The following CD83 variants were observed in gnomAD, a reference collection of about 807,000 sequenced individuals.
The protein encoded by CD83 is CD83 antigen.
In CD83, 22 loss-of-function variants were observed where a neutral mutation model predicts 24.6. The ratio of observed to expected loss-of-function variants is 0.90; its 90% CI spans 0.64 to 1.28. The LOEUF (loss-of-function observed/expected upper bound fraction) is 1.28. Ranked by LOEUF, CD83 falls within the 50% of genes most tolerant of loss-of-function variation. The probability of loss-of-function intolerance (pLI) is 0.00; values close to 1 mark genes in which losing one functional copy is unlikely to be tolerated. For synonymous variants in CD83, 101 were observed against 103.5 expected, an observed-to-expected ratio of 0.98 and a Z score of 0.14; for missense variants, 253 against 252.8, an observed-to-expected ratio of 1.00 and a Z score of -0.01.
intron 3 of CD83, among the ~76,000 whole-genome samples, chr6:14,132,640 T>C (rs1054174741): frequency 6.6e-6 from 1 of 152,232 alleles, no homozygotes; most frequent in East Asian, 1.9e-4. Context: ...GTTAAAATGC[T>C]GAGTGTAGTG....
intron 2 of CD83, among the ~76,000 whole-genome samples, chr6:14,119,385 A>T (rs909333831): frequency 3.9e-5 from 6 of 152,260 alleles, no homozygotes; most frequent in African/African-American, 7.2e-5. Flanking sequence ...TAGTATTTTT[A>T]AAAATATTGT....
At chr6:14,134,489 C>T (rs994154108) in intron 4 of CD83, among the ~76,000 whole-genome samples, 1 of 152,184 alleles carries the variant, frequency 6.6e-6, no homozygotes, top group Non-Finnish European at 1.5e-5. Context: ...TCTCCATCCA[C>T]CAGGCAGGGC....
At chr6:14,117,696 G>A (rs1759562940), upstream of CD83, 3 of 719,020 alleles carry the variant, frequency 4.2e-6, no homozygotes, top group South Asian at 2.6e-5. The surrounding 1 kb of genome is among the most constrained non-coding windows in gnomAD (Gnocchi z 4.6). Context: ...GCTGCCCGCC[G>A]GGGAATCCCC....
chr6:14,123,767 A>C (rs1355329235), intron 2 of CD83, among the ~76,000 whole-genome samples: 1 of 151,628 alleles, frequency 6.6e-6, no homozygotes, highest in Non-Finnish European at 1.5e-5. Flanking sequence ...AAAAAAAAAA[A>C]AAGCTAAACA....
At chr6:14,121,055 A>G (rs1759658368) in intron 2 of CD83, among the ~76,000 whole-genome samples, 1 of 152,244 alleles carries the variant, frequency 6.6e-6, no homozygotes, top group African/African-American at 2.4e-5. Flanking sequence ...CTGGGATCCA[A>G]CAAAGGGTCC....
chr6:14,121,903 G>A (rs1316432482), intron 2 of CD83, among the ~76,000 whole-genome samples: 1 of 152,152 alleles, frequency 6.6e-6, no homozygotes, highest in Non-Finnish European at 1.5e-5. Flanking sequence ...CTTTGGGCCT[G>A]GTTGATAATC....
Position 14,117,949 on chromosome 6 carries a change from G to T in CD83, c.38-1G>T. 6.2e-7 allele frequency: 1 copy of T among 1,606,944 alleles called. No individual in the cohort carries two copies. The highest frequency in any genetic ancestry group is 8.5e-7 in the Non-Finnish European group (1 of 1,178,474). On this transcript the variant is annotated splice_acceptor_variant, in intron 1 of 4. Transcript: ENST00000379153. LOFTEE classifies it high-confidence loss of function. This position sits in a 1 kb window ranked among gnomAD's most constrained non-coding sequence, Gnocchi z 4.6. ...CACGACGCGCTCTCTCTTTCTTGTA[G>T]CCTACAGCCTGGCTCCCGCGACGCC...
intron 2 of CD83, among the ~76,000 whole-genome samples, chr6:14,131,259 ACT>A (rs1757891237): frequency 6.6e-6 from 1 of 151,692 alleles, no homozygotes; most frequent in Non-Finnish European, 1.5e-5. Context: ...ATCAACAGTG[ACT>A]CTCTCTCCCT....
At chr6:14,120,298 A>G (rs915200516) in intron 2 of CD83, among the ~76,000 whole-genome samples, 2 of 152,174 alleles carry the variant, frequency 1.3e-5, no homozygotes, top group Non-Finnish European at 2.9e-5. Context: ...TTCCAGCCCA[A>G]TAATTATACT....
chr6:14,126,934 G>GTT (rs11452855), intron 2 of CD83, among the ~76,000 whole-genome samples: 7 of 150,320 alleles, frequency 4.7e-5, no homozygotes, highest in South Asian at 2.1e-4. Flanking sequence ...TTTTTATACT[G>GTT]TTTTTTTTTC....
chr6:14,122,437 C>T (rs939148605), intron 2 of CD83, among the ~76,000 whole-genome samples: 2 of 152,072 alleles, frequency 1.3e-5, no homozygotes, highest in African/African-American at 4.8e-5. Context: ...AGTTGATAAG[C>T]GGTTGGGGCA....
At position 14,131,508 on chromosome 6, in the gene CD83, C is replaced by T; in HGVS notation, c.154-12C>T. 6.2e-7 allele frequency: 1 copy of T among 1,601,078 alleles called. No homozygotes were observed. The highest frequency in any genetic ancestry group is 8.6e-7 in the Non-Finnish European group (1 of 1,168,302). On this transcript the variant is annotated splice_polypyrimidine_tract_variant and intron_variant, in intron 2 of 4. Coordinates refer to ENST00000379153, the MANE Select transcript of CD83 (RefSeq NM_004233.4). ...CAGTGGACCGTGATGCGCTCTGATT[C>T]CTTCTTCACAGTTATTGGAGGGTGG...
chr6:14,123,385 C>T (rs982999456), intron 2 of CD83, among the ~76,000 whole-genome samples: 2 of 152,176 alleles, frequency 1.3e-5, no homozygotes, highest in African/African-American at 4.8e-5. Flanking sequence ...AGGCGTAAGC[C>T]ACCACGCCCG....
At chr6:14,126,717 A>G (rs1759824512) in intron 2 of CD83, among the ~76,000 whole-genome samples, 1 of 152,238 alleles carries the variant, frequency 6.6e-6, no homozygotes, top group Non-Finnish European at 1.5e-5. Flanking sequence ...TATTTTGCAC[A>G]TTATAAAGAG....
At chr6:14,118,346 G>T (rs1440173060) in intron 2 of CD83, among the ~76,000 whole-genome samples, 6 of 2,922 alleles carry the variant, frequency 2.1e-3, no homozygotes, top group Admixed American at 9.6e-3. Context: ...TTTTGGAAGG[G>T]CAGAGACTCT....
intron 2 of CD83, among the ~76,000 whole-genome samples, chr6:14,124,831 A>C (rs1339339096): frequency 1.3e-5 from 2 of 152,156 alleles, no homozygotes; most frequent in African/African-American, 4.8e-5. Flanking sequence ...CAGAAGTTCT[A>C]ATTTCTGATG....
intron 2 of CD83, among the ~76,000 whole-genome samples, chr6:14,125,569 A>G (rs1275853776): frequency 2.6e-5 from 4 of 152,210 alleles, no homozygotes; most frequent in African/African-American, 7.2e-5. Context: ...GCCAGTCTCC[A>G]TGATCGTGGG....
intron 2 of CD83, among the ~76,000 whole-genome samples, chr6:14,120,113 A>G (rs530125961): frequency 1.1e-3 from 164 of 152,348 alleles, no homozygotes; most frequent in African/African-American, 3.8e-3. Context: ...GAATAGTGCC[A>G]ATGAAAAGTC....
chr6:14,132,539 C>T (rs958364126), intron 3 of CD83, among the ~76,000 whole-genome samples: 17 of 152,326 alleles, frequency 1.1e-4, no homozygotes, highest in African/African-American at 2.6e-4. Context: ...GAGCAAATCA[C>T]GGATTGACAC....
Sources: gnomAD v4.1 joint callset for allele counts (sites outside exome capture counted in the v4.1 genomes callset) on GRCh38, gnomAD v4.1.1 for gene constraint, Gnocchi (gnomAD v3.1) non-coding constraint, MANE v1.5 for transcripts, NCBI Gene and HGNC (gene_info 2026-07-23, HGNC 2026-07-21) for gene names.